Variants in MYO3B observed in about 807,000 individuals in gnomAD.
MYO3B encodes myosin IIIB, also known as myosin-IIIb.
In MYO3B, 156 loss-of-function variants were observed where a neutral mutation model predicts 174.6. The ratio of observed to expected loss-of-function variants is 0.89; its 90% confidence interval spans 0.78 to 1.02. The LOEUF (loss-of-function observed/expected upper bound fraction) is 1.02. Ranked by LOEUF, MYO3B falls within the 50% of genes least tolerant of loss-of-function variation. The probability of loss-of-function intolerance (pLI) is 0.00; values close to 1 mark genes in which losing one functional copy is unlikely to be tolerated. For missense variants in MYO3B, 1,632 were observed against 1,639.4 expected (o/e 1.00, Z 0.08); for synonymous variants, 563 against 569.1 (o/e 0.99, Z 0.15).
chr2:170,369,426 T>C, intron 9 of MYO3B, 49 bp downstream of exon 9: 2 of 1,573,050 alleles, frequency 1.3e-6, no homozygotes, highest in Non-Finnish European at 1.7e-6. Context: ...TATAAAAATG[T>C]CATGTCATGT....
At chr2:170,266,346 G>A (rs1212634956) in intron 7 of MYO3B, among the ~76,000 whole-genome samples, 1 of 152,130 alleles carries the variant, frequency 6.6e-6, no homozygotes, top group East Asian at 1.9e-4. Flanking sequence ...CTAGCTGTAT[G>A]TCATTTCTTG....
Position 170,426,398 on chromosome 2 carries a change from C to T in MYO3B, c.2651-17569C>T, listed in dbSNP as rs192431344. 3.4e-3 allele frequency among the ~76,000 whole-genome samples: 508 copies of T among 150,000 alleles called. 5 individuals carry two copies. The highest frequency in any genetic ancestry group is 0.012 in the African/African-American group (486 of 40,914). On this transcript the variant is annotated intron_variant, in intron 22 of 34. Coordinates refer to ENST00000408978, the MANE Select transcript of MYO3B (RefSeq NM_138995.5). ...TCACCCAGGCTCGAGTGCAGTGGCG[C>T]GATCTCAGCTCACTGCAAGCTCTGC...
At chr2:170,368,580 C>G (rs1016066412) in intron 8 of MYO3B, among the ~76,000 whole-genome samples, 1 of 152,112 alleles carries the variant, frequency 6.6e-6, no homozygotes, top group African/African-American at 2.4e-5. Flanking sequence ...AAATGCAACC[C>G]AATTTTTATC....
intron 7 of MYO3B, among the ~76,000 whole-genome samples, chr2:170,299,673 G>A (rs1170013499): frequency 6.6e-6 from 1 of 152,184 alleles, no homozygotes; most frequent in Non-Finnish European, 1.5e-5. Flanking sequence ...CTGGCAAATG[G>A]CAGGGCCAGA....
chr2:170,496,156 G>C (rs868742497), intron 25 of MYO3B, among the ~76,000 whole-genome samples: 9 of 152,200 alleles, frequency 5.9e-5, no homozygotes, highest in Admixed American at 3.3e-4. Context: ...GGTGGAAACA[G>C]AGATTCAGAG....
chr2:170,651,768 G>A, intron 33 of MYO3B, 34 bp downstream of exon 33: 1 of 1,560,088 alleles, frequency 6.4e-7, no homozygotes, highest in Non-Finnish European at 8.8e-7. Flanking sequence ...CTGTTTCACT[G>A]GCTTTGTTTC....
At chr2:170,528,482 T>C (rs920669603) in intron 30 of MYO3B, among the ~76,000 whole-genome samples, 1 of 152,242 alleles carries the variant, frequency 6.6e-6, no homozygotes, top group Admixed American at 6.5e-5. Flanking sequence ...CTCAGCTCAC[T>C]GCAACCTCTG....
intron 7 of MYO3B, among the ~76,000 whole-genome samples, chr2:170,307,696 G>A (rs2093710311): frequency 6.6e-6 from 1 of 152,218 alleles, no homozygotes; most frequent in African/African-American, 2.4e-5. Flanking sequence ...TGAGGCAGCA[G>A]TATTACAGCT....
chr2:170,596,363 C>T (rs1010354812), intron 32 of MYO3B, among the ~76,000 whole-genome samples: 1 of 152,166 alleles, frequency 6.6e-6, no homozygotes, highest in African/African-American at 2.4e-5. Context: ...TCCGTGAGTC[C>T]CTTACCTGGT....
intron 32 of MYO3B, among the ~76,000 whole-genome samples, chr2:170,566,009 C>G (rs925508236): frequency 6.6e-6 from 1 of 152,178 alleles, no homozygotes; most frequent in African/African-American, 2.4e-5. Flanking sequence ...TCAAAAATCC[C>G]CAAACCTTTG....
chr2:170,332,920 T>G (rs946369813), intron 7 of MYO3B, among the ~76,000 whole-genome samples: 1 of 152,222 alleles, frequency 6.6e-6, no homozygotes, highest in African/African-American at 2.4e-5. Flanking sequence ...TCTCTACTTA[T>G]AGAAGAGAGA....
intron 8 of MYO3B, among the ~76,000 whole-genome samples, chr2:170,352,249 G>A (rs994082783): frequency 2.6e-5 from 4 of 152,134 alleles, no homozygotes; most frequent in Non-Finnish European, 5.9e-5. Flanking sequence ...CACCGTGCCC[G>A]GCCTAGGCAC....
intron 25 of MYO3B, among the ~76,000 whole-genome samples, chr2:170,472,532 C>G (rs1175975836): frequency 1.3e-5 from 2 of 152,150 alleles, no homozygotes; most frequent in Non-Finnish European, 2.9e-5. Context: ...GTGATACCCT[C>G]CTTGACTTTC....
In MYO3B at chr2:170,499,806, C is replaced by T. The variant is rs1395556554; in HGVS notation, c.3287C>T (p.Ser1096Leu). Residue 1096 changes from serine (S) to leucine (L), a missense_variant and splice_region_variant, in exon 27 of 35, where the codon TCA becomes TTA. By Grantham distance (145) the Ser-to-Leu change is moderately radical. Transcript: ENST00000408978. Reference sequence around the variant, plus strand: ...GAGAAGGGAGCCATTGCCATCCAGTCAGGTAAATGGTCCTGTTCTCATAAA... The same window carrying T: ...GAGAAGGGAGCCATTGCCATCCAGTTAGGTAAATGGTCCTGTTCTCATAAA... The part of the protein sequence containing the change: ...KREKGAIAIQ[S>L]AWRGYDARRK... 1 of 1,613,612 alleles carries T rather than the reference C, an allele frequency of 6.2e-7. No individual in the cohort carries two copies. The highest frequency in any genetic ancestry group is 8.5e-7 in the Non-Finnish European group (1 of 1,179,712).
chr2:170,323,021 A>G (rs570823492), intron 7 of MYO3B, among the ~76,000 whole-genome samples: 2 of 152,334 alleles, frequency 1.3e-5, no homozygotes, highest in South Asian at 4.1e-4. Context: ...TAGATGCACA[A>G]TCTGCCCTTT....
At chr2:170,456,352 G>T (rs938146025) in intron 23 of MYO3B, among the ~76,000 whole-genome samples, 2 of 152,176 alleles carry the variant, frequency 1.3e-5, no homozygotes, top group Admixed American at 1.3e-4. Context: ...TCAGGGAAGG[G>T]ATCACAGGTA....
chr2:170,581,229 T>G (rs1209237216), intron 32 of MYO3B, among the ~76,000 whole-genome samples: 1 of 152,216 alleles, frequency 6.6e-6, no homozygotes, highest in Non-Finnish European at 1.5e-5. Flanking sequence ...GAAACACAAA[T>G]GACATATCGC....
chr2:170,577,675 T>C (rs1692865690), intron 32 of MYO3B, among the ~76,000 whole-genome samples: 1 of 152,176 alleles, frequency 6.6e-6, no homozygotes, highest in Admixed American at 6.5e-5. Flanking sequence ...TGGGTAGTGT[T>C]AATATTACTG....
At chr2:170,400,733 A>G (rs1246710893) in intron 17 of MYO3B, among the ~76,000 whole-genome samples, 1 of 149,776 alleles carries the variant, frequency 6.7e-6, no homozygotes, top group African/African-American at 2.5e-5. Context: ...ATGAACTAGT[A>G]TTTCCCCAAG....
Sources: allele counts gnomAD v4.1 joint callset (sites outside exome capture counted in the v4.1 genomes callset), GRCh38; gene constraint gnomAD v4.1.1; transcripts MANE v1.5; gene names NCBI Gene and HGNC (gene_info 2026-07-23, HGNC 2026-07-21).